Variants in TP63 observed in about 807,000 individuals in gnomAD.
The protein encoded by TP63 is tumor protein p63, also known as tumor protein 63.
Under a neutral mutation model 82.8 loss-of-function variants are expected in TP63, and 17 were observed. The observed-to-expected ratio is 0.21, with a 90% CI of 0.14 to 0.31. The LOEUF (loss-of-function observed/expected upper bound fraction) is 0.31. Ranked by LOEUF, TP63 falls within the 10% of genes least tolerant of loss-of-function variation. The pLI is 1.00. For missense variants in TP63, 648 were observed against 895.3 expected, an observed-to-expected ratio of 0.72 and a Z score of 3.52; for synonymous variants, 330 against 321.7, an observed-to-expected ratio of 1.03 and a Z score of -0.28.
At chr3:189,691,252 T>C (rs564870285) in intron 1 of TP63, among the ~76,000 whole-genome samples, 3 of 140,844 alleles carry the variant, frequency 2.1e-5, no homozygotes, top group East Asian at 4.2e-4. Context: ...CACAGGAGAA[T>C]CTCTTCAACC....
intron 1 of TP63, among the ~76,000 whole-genome samples, chr3:189,660,152 C>G (rs1200875512): frequency 6.6e-6 from 1 of 152,024 alleles, no homozygotes; most frequent in Non-Finnish European, 1.5e-5. Flanking sequence ...AAAGATGTAT[C>G]TAAGTTTTCT....
At chr3:189,671,541 T>G (rs1714892756) in intron 1 of TP63, among the ~76,000 whole-genome samples, 1 of 152,022 alleles carries the variant, frequency 6.6e-6, no homozygotes, top group East Asian at 1.9e-4. Context: ...TACAGGGTAT[T>G]TATTCAAAGG....
intron 1 of TP63, among the ~76,000 whole-genome samples, chr3:189,646,732 T>C (rs558783810): frequency 6.8e-6 from 1 of 146,874 alleles, no homozygotes; most frequent in South Asian, 2.2e-4. Flanking sequence ...ATAACAAAAA[T>C]ACATCTTAAA....
intron 1 of TP63, among the ~76,000 whole-genome samples, chr3:189,701,522 CATATATATAT>C (rs35031313): frequency 5.1e-5 from 7 of 136,782 alleles, no homozygotes; most frequent in African/African-American, 1.6e-4. Flanking sequence ...GATATATATA[CATATATATAT>C]ATATATATAT....
chr3:189,607,842 A>G, the TP63 span, among the ~76,000 whole-genome samples: 1 of 152,166 alleles, frequency 6.6e-6, no homozygotes, highest in Non-Finnish European at 1.5e-5. Context: ...GATGAGCACA[A>G]AATATTTTTG....
At chr3:189,702,521 G>GT (rs544638918) in intron 1 of TP63, among the ~76,000 whole-genome samples, 60 of 152,314 alleles carry the variant, frequency 3.9e-4, no homozygotes, top group African/African-American at 1.3e-3. Context: ...GACTCTGGCT[G>GT]TGGTGCATTC....
At position 189,886,360 on chromosome 3, in the gene TP63, T is replaced by A. The variant is rs1554131; in HGVS notation, c.1350-34T>A. ...AATAGTCCCCACTCTTCAGTGTCCC[T>A]TGCTCACCATTATTTCCATGTTTGT... On this transcript the variant is annotated intron_variant, in intron 10 of 13. Transcript: ENST00000264731. 79 of 1,609,522 alleles carry A rather than the reference T, an allele frequency of 4.9e-5. No homozygotes were observed. In the Admixed American group the frequency reaches 6.5e-4, roughly 13 times the overall value.
intron 1 of TP63, among the ~76,000 whole-genome samples, chr3:189,655,025 T>A (rs754629837): frequency 6.6e-6 from 1 of 152,172 alleles, no homozygotes; most frequent in Non-Finnish European, 1.5e-5. Flanking sequence ...TGTTAAGTCT[T>A]GATCATCGGT....
chr3:189,880,677 T>C, intron 10 of TP63: 2 of 985,446 alleles, frequency 2.0e-6, no homozygotes, highest in Non-Finnish European at 2.4e-6. Flanking sequence ...ACCCTTTTAA[T>C]GCTGGTCATG....
intron 1 of TP63, among the ~76,000 whole-genome samples, chr3:189,725,498 G>A (rs1250374120): frequency 2.0e-5 from 3 of 152,064 alleles, no homozygotes; most frequent in Admixed American, 6.6e-5. Flanking sequence ...TACGTATCCC[G>A]TTGTGATAAA....
chr3:189,658,599 A>C (rs1219441679), intron 1 of TP63, among the ~76,000 whole-genome samples: 1 of 152,022 alleles, frequency 6.6e-6, no homozygotes, highest in Non-Finnish European at 1.5e-5. Flanking sequence ...CCATAACGCT[A>C]ATTCTAATCA....
intron 10 of TP63, chr3:189,879,925 CA>C (rs1380150474): frequency 2.5e-6 from 3 of 1,218,948 alleles, no homozygotes; most frequent in Non-Finnish European, 3.2e-6. Context: ...ATTGGAAGAA[CA>C]AAAATAGCTT....
At chr3:189,660,133 G>C (rs1713739835) in intron 1 of TP63, among the ~76,000 whole-genome samples, 1 of 151,960 alleles carries the variant, frequency 6.6e-6, no homozygotes, top group African/African-American at 2.4e-5. Context: ...TCCTAAGGCT[G>C]ATGTCCAGAA....
chr3:189,822,196 T>C, intron 4 of TP63, among the ~76,000 whole-genome samples: 1 of 152,332 alleles, frequency 6.6e-6, no homozygotes, highest in East Asian at 1.9e-4. Context: ...CTGTAAATGG[T>C]AATTTCTATT....
At chr3:189,699,207 T>G (rs565795828) in intron 1 of TP63, among the ~76,000 whole-genome samples, 1 of 152,304 alleles carries the variant, frequency 6.6e-6, no homozygotes, top group East Asian at 1.9e-4. Flanking sequence ...CCTCTGAAGT[T>G]GCTCTTAATA....
chr3:189,705,012 T>C (rs1437194165), intron 1 of TP63, among the ~76,000 whole-genome samples: 1 of 152,250 alleles, frequency 6.6e-6, no homozygotes, highest in Non-Finnish European at 1.5e-5. Flanking sequence ...TAAAATGCTA[T>C]GATTTTTAAA....
the TP63 span, among the ~76,000 whole-genome samples, chr3:189,601,322 T>G: frequency 6.6e-6 from 1 of 152,170 alleles, no homozygotes; most frequent in African/African-American, 2.4e-5. Flanking sequence ...CCTTCAGAAA[T>G]GTCCACATCT....
chr3:189,891,903 T>TC (rs1323018116), intron 13 of TP63, among the ~76,000 whole-genome samples: 1 of 151,988 alleles, frequency 6.6e-6, no homozygotes, highest in African/African-American at 2.4e-5. Context: ...GACTCTTTTT[T>TC]CCCCCTCCTT....
At chr3:189,747,091 C>T (rs1239552844) in intron 3 of TP63, among the ~76,000 whole-genome samples, 3 of 151,774 alleles carry the variant, frequency 2.0e-5, no homozygotes, top group Non-Finnish European at 4.4e-5. Context: ...GCAGAGCACC[C>T]ATGTATATAA....
Sources: gnomAD v4.1 joint callset for allele counts (sites outside exome capture counted in the v4.1 genomes callset) on GRCh38, gnomAD v4.1.1 for gene constraint, MANE v1.5 for transcripts, NCBI Gene and HGNC (gene_info 2026-07-23, HGNC 2026-07-21) for gene names.